The following EP400 variants were observed in gnomAD, a reference collection of about 807,000 sequenced individuals.
The protein encoded by EP400 is E1A-binding protein p400.
A neutral mutation model predicts 354.1 loss-of-function variants in EP400; 105 were observed. The ratio of observed to expected loss-of-function variants is 0.30; its 90% confidence interval spans 0.25 to 0.35. EP400 has a LOEUF of 0.35. Among genes scored for constraint, EP400 ranks in the 10% least tolerant of loss-of-function variants. The probability of loss-of-function intolerance (pLI) is 1.00; values close to 1 mark genes in which losing one functional copy is unlikely to be tolerated. For missense variants in EP400, 3,280 were observed against 4,121.0 expected, an observed-to-expected ratio of 0.80 and a Z score of 5.59; for synonymous variants, 1,646 against 1,716.9, an observed-to-expected ratio of 0.96 and a Z score of 1.02.
chr12:132,027,344 G>A lies in EP400; in HGVS notation c.5015-93G>A, dbSNP rs755153710. 38 of 1,250,106 alleles carry A rather than the reference G, an allele frequency of 3.0e-5. No individual in the cohort carries two copies. The highest frequency in any genetic ancestry group is 4.2e-5 in the Non-Finnish European group (36 of 858,288). 77.4% of individuals were successfully genotyped at this position (1,250,106 alleles called of 1,614,324 possible). Reference sequence around the variant, plus strand: ...AGAATGACTTTCTGTGGAGTGTGCTGGTGGAGGGTGAGGTTCCATGGAGCA... The same window carrying A: ...AGAATGACTTTCTGTGGAGTGTGCTAGTGGAGGGTGAGGTTCCATGGAGCA... On this transcript the variant is annotated intron_variant, in intron 25 of 52. Transcript: ENST00000389561. This position sits in a 1 kb window ranked among gnomAD's most constrained non-coding sequence, Gnocchi z 4.9.
chr12:131,960,557 G>C (rs919971989), intron 1 of EP400, 28 bp from the exon 2 acceptor site: 1 of 1,510,628 alleles, frequency 6.6e-7, no homozygotes, highest in Non-Finnish European at 8.9e-7. Context: ...GTGCCTTCAA[G>C]TGACTTGATT....
intron 39 of EP400, among the ~76,000 whole-genome samples, chr12:132,048,184 C>T (rs759766702): frequency 7.9e-5 from 12 of 152,152 alleles, no homozygotes; most frequent in African/African-American, 1.7e-4. Context: ...CATACATCCC[C>T]CTCAGCTTAC....
At position 132,027,895 on chromosome 12, in the gene EP400, G is replaced by T; in HGVS notation, c.5110-122G>T. On this transcript the variant is annotated intron_variant, in intron 26 of 52. Transcript: ENST00000389561. The surrounding 1 kb of genome is among the most constrained non-coding windows in gnomAD (Gnocchi z 4.9). ...TCTATCTCTATTTCCTGTAACACAA[G>T]ACCGGGGATATTGAAGTGGATCTCA... 9.6e-7 allele frequency: 1 copy of T among 1,040,444 alleles called. No homozygotes were observed. The highest frequency in any genetic ancestry group is 1.4e-6 in the Non-Finnish European group (1 of 715,970). The allele number at this position is 1,040,444 out of a possible 1,614,324, so 64.5% of individuals were successfully genotyped here. A position where few individuals can be genotyped will look rare whatever the true frequency, so the allele number is the denominator to read the frequency against.
chr12:132,071,400 G>A (rs545060834), intron 51 of EP400, among the ~76,000 whole-genome samples: 1 of 152,276 alleles, frequency 6.6e-6, no homozygotes, highest in African/African-American at 2.4e-5. Context: ...CCTCAGGTGT[G>A]TACGCCTGAC....
intron 7 of EP400, among the ~76,000 whole-genome samples, chr12:131,989,036 A>G (rs1593329114): frequency 6.6e-6 from 1 of 152,258 alleles, no homozygotes; most frequent in African/African-American, 2.4e-5. Flanking sequence ...CAAAGAAGAT[A>G]GTCCTGAACA....
At chr12:131,993,316 C>T (rs897009440) in intron 11 of EP400, among the ~76,000 whole-genome samples, 1 of 152,202 alleles carries the variant, frequency 6.6e-6, no homozygotes, top group Admixed American at 6.5e-5. Context: ...TGAGCCACCA[C>T]ACCTGGCCTG....
chr12:132,058,353 ATT>A (rs60226464), intron 45 of EP400, among the ~76,000 whole-genome samples: 26 of 129,464 alleles, frequency 2.0e-4, no homozygotes, highest in Admixed American at 3.8e-4. Context: ...TAAAGATTGG[ATT>A]TTTTTTTTTT....
intron 12 of EP400, among the ~76,000 whole-genome samples, chr12:131,995,946 A>G (rs1473655590): frequency 6.6e-6 from 1 of 151,266 alleles, no homozygotes; most frequent in African/African-American, 2.4e-5. Flanking sequence ...GAATCCCACC[A>G]CAGCTTGACT....
At position 131,982,349 on chromosome 12, in the gene EP400, T is replaced by C. The variant is rs753729122; in HGVS notation, c.1800T>C (p.Asn600=). The change falls in exon 5 of 53, where the codon AAT becomes AAC. Residue 600 remains asparagine, a synonymous_variant. Coordinates refer to ENST00000389561, the MANE Select transcript of EP400 (RefSeq NM_015409.5). ...TCCCGGTGAAGACTCAGCAGCCCAA[T>C]GTTCCCATCCCTGCACCGCCCAGCA... ...LQIPVKTQQP[N]VPIPAPPSSQ... 1 of 1,614,126 alleles carries C rather than the reference T, an allele frequency of 6.2e-7. No homozygotes were observed. Among genetic ancestry groups the C allele is most frequent in the Admixed American group, 1.7e-5 (1 of 60,018 alleles).
At chr12:132,071,252 T>G (rs991541108) in intron 51 of EP400, among the ~76,000 whole-genome samples, 27 of 152,150 alleles carry the variant, frequency 1.8e-4, no homozygotes, top group African/African-American at 6.3e-4. Context: ...ACACATCTCC[T>G]TTAGCCTCAA....
chr12:132,065,655 C>T (rs1593386641), intron 48 of EP400: 2 of 152,294 alleles, frequency 1.3e-5, no homozygotes, highest in African/African-American at 4.8e-5. Flanking sequence ...ATTTGGGGAC[C>T]CAGGTGCTCA....
chr12:131,975,709 G>A (rs1271399852), intron 2 of EP400, among the ~76,000 whole-genome samples: 1 of 152,004 alleles, frequency 6.6e-6, no homozygotes, highest in East Asian at 1.9e-4. Flanking sequence ...ACAGGCCTGT[G>A]CCACCATACC....
Position 132,018,062 on chromosome 12 carries a change from C to A in EP400, c.4111-148C>A. The A allele has an allele frequency of 2.1e-6, 2 of 939,928 alleles. No homozygotes were observed. The highest frequency in any genetic ancestry group is 1.5e-5 in the South Asian group (1 of 64,702). 58.2% of individuals were successfully genotyped at this position (939,928 alleles called of 1,614,324 possible). ...GGGTGTGGCAGCACCTGTGTATTGG[C>A]ACGGAGGAGGGTCTGCTTGCCGAGT... On this transcript the variant is annotated intron_variant, in intron 20 of 52. Coordinates refer to ENST00000389561, the MANE Select transcript of EP400 (RefSeq NM_015409.5). This position sits in a 1 kb window ranked among gnomAD's most constrained non-coding sequence, Gnocchi z 4.0.
At chr12:132,046,126 T>C (rs756373380) in intron 39 of EP400, among the ~76,000 whole-genome samples, 1 of 152,252 alleles carries the variant, frequency 6.6e-6, no homozygotes, top group Non-Finnish European at 1.5e-5. Context: ...ACGTTGTGCT[T>C]GTTGGGATCA....
intron 1 of EP400, among the ~76,000 whole-genome samples, chr12:131,954,914 T>G (rs1235232916): frequency 6.6e-6 from 1 of 151,892 alleles, no homozygotes; most frequent in Non-Finnish European, 1.5e-5. Context: ...TCCCAGCTAC[T>G]CAGGAGGCTG....
intron 2 of EP400, among the ~76,000 whole-genome samples, chr12:131,969,061 G>A (rs74614974): frequency 0.095 from 13,625 of 143,510 alleles, 658 homozygotes; most frequent in African/African-American, 0.13. Context: ...TTTTTTTATC[G>A]TATTGGCAAG....
chr12:132,018,108 C>T lies in EP400; in HGVS notation c.4111-102C>T. 1 of 1,469,900 alleles carries T rather than the reference C, an allele frequency of 6.8e-7. No homozygotes were observed. The highest frequency in any genetic ancestry group is 9.3e-7 in the Non-Finnish European group (1 of 1,077,726). The allele number at this position is 1,469,900 out of a possible 1,614,324, so 91.1% of individuals were successfully genotyped here. A position where few individuals can be genotyped will look rare whatever the true frequency, so the allele number is the denominator to read the frequency against. ...CGAGTGGCCGTTAGAGGGGGCGCGT[C>T]TGGATGCCCACGTTAGGGCCCTGCC... is the stretch of plus-strand genomic sequence containing the variant. On this transcript the variant is annotated intron_variant, in intron 20 of 52. Transcript: ENST00000389561. This position sits in a 1 kb window ranked among gnomAD's most constrained non-coding sequence, Gnocchi z 4.0.
chr12:131,985,462 G>T (rs1892823308), intron 5 of EP400, among the ~76,000 whole-genome samples: 1 of 152,254 alleles, frequency 6.6e-6, no homozygotes, highest in Non-Finnish European at 1.5e-5. Flanking sequence ...TGCTCTAGCG[G>T]TTCTGTCTCC....
chr12:132,045,624 C>T (rs1895069896), intron 38 of EP400, 64 bp downstream of exon 38: 3 of 1,604,352 alleles, frequency 1.9e-6, no homozygotes, highest in Non-Finnish European at 2.6e-6. Flanking sequence ...CACGTCCGTG[C>T]ATCCAGCTCA....
Sources: gnomAD v4.1 joint callset for allele counts (sites outside exome capture counted in the v4.1 genomes callset) on GRCh38, gnomAD v4.1.1 for gene constraint, Gnocchi (gnomAD v3.1) non-coding constraint, MANE v1.5 for transcripts, NCBI Gene and HGNC (gene_info 2026-07-23, HGNC 2026-07-21) for gene names.